Variants in DMD observed in about 807,000 individuals in gnomAD.
DMD encodes the protein mutant dystrophin.
In DMD, 63 loss-of-function variants were observed where a neutral mutation model predicts 330.1. That is an observed-to-expected ratio of 0.19 (90% CI 0.16 to 0.24). The LOEUF (loss-of-function observed/expected upper bound fraction) is 0.24, where lower values mean the gene tolerates loss of function less well. Among genes scored for constraint, DMD ranks in the 10% least tolerant of loss-of-function variants. The pLI, the probability that DMD is intolerant of heterozygous loss-of-function variation, is 1.00. For missense variants in DMD, 3,344 were observed against 2,684.1 expected, an observed-to-expected ratio of 1.25 and a Z score of -5.43; for synonymous variants, 1,223 against 959.8, an observed-to-expected ratio of 1.27 and a Z score of -5.07.
At chrX:31,138,921 A>G (rs1217487684) in intron 76 of DMD, among the ~76,000 whole-genome samples, 2 of 111,802 alleles carry the variant, frequency 1.8e-5, no homozygotes, top group Non-Finnish European at 3.8e-5. Flanking sequence ...ACCTGTCATC[A>G]CAAGCCCCTC....
chrX:33,128,083 G>A, intron 1 of DMD: 2 of 1,186,931 alleles, frequency 1.7e-6, no homozygotes, highest in Non-Finnish European at 2.3e-6. Context: ...GCCTGCTTCT[G>A]AATGCTTGTG....
intron 51 of DMD, among the ~76,000 whole-genome samples, chrX:31,762,426 G>C (rs1788943997): frequency 9.0e-6 from 1 of 110,830 alleles, no homozygotes; most frequent in Admixed American, 9.6e-5. Flanking sequence ...AAAATTAGCT[G>C]GGCGTGGTGG....
intron 54 of DMD, among the ~76,000 whole-genome samples, chrX:31,642,399 A>G (rs1350947929): frequency 8.9e-6 from 1 of 112,207 alleles, no homozygotes; most frequent in East Asian, 2.8e-4. Context: ...CATGTTGTAA[A>G]ACATCTGGCT....
chrX:32,349,944 G>A (rs1453170596), intron 37 of DMD, among the ~76,000 whole-genome samples: 1 of 111,153 alleles, frequency 9.0e-6, no homozygotes, highest in Non-Finnish European at 1.9e-5. Flanking sequence ...ATCATACACT[G>A]TTTAGATGAC....
intron 1 of DMD, among the ~76,000 whole-genome samples, chrX:33,033,082 T>C (rs1420583566): frequency 3.6e-5 from 4 of 110,650 alleles, no homozygotes; most frequent in South Asian, 7.7e-4. Flanking sequence ...GGAGACAGTT[T>C]TGAGAGTTAA....
At chrX:32,673,929 C>A (rs1034017849) in intron 9 of DMD, among the ~76,000 whole-genome samples, 1 of 111,742 alleles carries the variant, frequency 8.9e-6, no homozygotes, top group African/African-American at 3.2e-5. Context: ...GTAAACAAAT[C>A]TGATTGCCAA....
intron 43 of DMD, among the ~76,000 whole-genome samples, chrX:32,244,093 T>C (rs369674300): frequency 2.3e-5 from 2 of 86,574 alleles, no homozygotes; most frequent in East Asian, 4.3e-4. Context: ...CTCCCAATGC[T>C]ATCCCTCCCC....
chrX:31,668,416 T>TA (rs2081553527), intron 53 of DMD, among the ~76,000 whole-genome samples: 1 of 110,723 alleles, frequency 9.0e-6, no homozygotes, highest in African/African-American at 3.3e-5. Context: ...TATGATTCAT[T>TA]AAAAATATAT....
At chrX:32,613,494 A>C (rs2057332087) in intron 12 of DMD, among the ~76,000 whole-genome samples, 1 of 111,178 alleles carries the variant, frequency 9.0e-6, no homozygotes, top group Admixed American at 9.6e-5. Context: ...GTACAAGTAA[A>C]CTGAAGAAAA....
chrX:32,401,451 A>G (rs955843837), intron 30 of DMD, among the ~76,000 whole-genome samples: 19 of 112,048 alleles, frequency 1.7e-4, no homozygotes, highest in African/African-American at 5.8e-4. Context: ...GTTAAGTGAA[A>G]TAAGCCAGTC....
At chrX:32,402,177 A>C (rs1001076069) in intron 30 of DMD, among the ~76,000 whole-genome samples, 1 of 111,881 alleles carries the variant, frequency 8.9e-6, no homozygotes, top group Non-Finnish European at 1.9e-5. Flanking sequence ...TCTACCATTT[A>C]AGTTAATTCC....
At chrX:32,925,770 G>T (rs1383341199) in intron 2 of DMD, among the ~76,000 whole-genome samples, 1 of 111,724 alleles carries the variant, frequency 9.0e-6, no homozygotes, top group African/African-American at 3.3e-5. Flanking sequence ...TCAAGAAAAG[G>T]CTACAACTAT....
chrX:31,590,234 C>T (rs921607202), intron 55 of DMD, among the ~76,000 whole-genome samples: 2 of 110,669 alleles, frequency 1.8e-5, no homozygotes, highest in Non-Finnish European at 3.8e-5. Context: ...AATGAACAAT[C>T]GAGTTTATTT....
intron 55 of DMD, among the ~76,000 whole-genome samples, chrX:31,513,825 C>A (rs374581992): frequency 6.2e-4 from 69 of 111,433 alleles, no homozygotes; most frequent in African/African-American, 2.2e-3. Context: ...CTCTCAACAA[C>A]CCTCTAGGGT....
chrX:31,582,514 A>G, intron 55 of DMD, among the ~76,000 whole-genome samples: 1 of 112,199 alleles, frequency 8.9e-6, no homozygotes, highest in Middle Eastern at 4.6e-3. Context: ...GTCAGAAGAT[A>G]ACTCTGGCTG....
At chrX:33,190,924 AATATTAT>A (rs2050550723) in intron 1 of DMD, among the ~76,000 whole-genome samples, 1 of 824 alleles carries the variant, frequency 1.2e-3, no homozygotes, top group Admixed American at 0.022. Context: ...TTATATATAT[AATATTAT>A]ATATATATAT....
chrX:32,461,933 G>A (rs1032023152), intron 25 of DMD, among the ~76,000 whole-genome samples: 1 of 110,508 alleles, frequency 9.0e-6, no homozygotes, highest in Non-Finnish European at 1.9e-5. Flanking sequence ...GTCAGTGATT[G>A]TATTAGCTGA....
At chrX:31,552,610 C>T (rs2074553706) in intron 55 of DMD, among the ~76,000 whole-genome samples, 1 of 111,694 alleles carries the variant, frequency 9.0e-6, no homozygotes, top group Non-Finnish European at 1.9e-5. Context: ...ACAGTGCCTG[C>T]TCCTCTGGGC....
chrX:33,317,829 A>G (rs1330040833), intron 1 of DMD, among the ~76,000 whole-genome samples: 1 of 111,768 alleles, frequency 8.9e-6, no homozygotes, highest in Non-Finnish European at 1.9e-5. Flanking sequence ...ATTAAACATA[A>G]AACAAGTATC....
Sources: allele counts gnomAD v4.1 joint callset (sites outside exome capture counted in the v4.1 genomes callset), GRCh38; gene constraint gnomAD v4.1.1; transcripts MANE v1.5; gene names NCBI Gene and HGNC (gene_info 2026-07-23, HGNC 2026-07-21).